Variants in PTPN9 observed in about 807,000 individuals in gnomAD.
PTPN9 encodes tyrosine-protein phosphatase non-receptor type 9.
Under a neutral mutation model 69.8 loss-of-function variants are expected in PTPN9, and 26 were observed. The ratio of observed to expected loss-of-function variants is 0.37; its 90% CI spans 0.27 to 0.52. The LOEUF is 0.52. PTPN9 is among the 20% of genes least tolerant of loss of function. The pLI, the probability that PTPN9 is intolerant of heterozygous loss-of-function variation, is 0.91. For missense variants in PTPN9, 549 were observed against 740.3 expected (o/e 0.74, Z 3.00); for synonymous variants, 274 against 272.5 (o/e 1.01, Z -0.05).
intron 1 of PTPN9, among the ~76,000 whole-genome samples, chr15:75,553,968 T>A (rs996555530): frequency 6.6e-6 from 1 of 151,654 alleles, no homozygotes; most frequent in Non-Finnish European, 1.5e-5. Flanking sequence ...GTCAGTCATC[T>A]CAGCCATTTC....
intron 4 of PTPN9, among the ~76,000 whole-genome samples, chr15:75,520,462 A>ATAGATAGG (rs2074897130): frequency 7.2e-6 from 1 of 138,608 alleles, no homozygotes; most frequent in African/African-American, 2.8e-5. Flanking sequence ...AGATAGATAG[A>ATAGATAGG]TAGATAGATA....
chr15:75,551,975 G>A (rs1318893395), intron 1 of PTPN9, among the ~76,000 whole-genome samples: 2 of 151,268 alleles, frequency 1.3e-5, no homozygotes, highest in Non-Finnish European at 2.9e-5. Flanking sequence ...CTGGGAGGTG[G>A]AGGTTACAGT....
rs766924577 is a variant in PTPN9 at position 75,578,768 on chromosome 15, G to A, written c.9C>T (p.Pro3=). Residue 3 remains proline (P), a synonymous_variant, in exon 1 of 13, where the codon CCC becomes CCT. Coordinates refer to ENST00000618819, the MANE Select transcript of PTPN9 (RefSeq NM_002833.4). ME[P]ATAPRPDMAP... ...CCATGTCGGGCCGGGGCGCGGTCGC[G>A]GGCTCCATCCCCCCGCCACCGCCGC... 47 of 1,271,684 alleles carry A rather than the reference G, an allele frequency of 3.7e-5. No individual in the cohort carries two copies. In the African/African-American group the frequency reaches 5.3e-4, roughly 14 times the overall value. 78.8% of individuals were successfully genotyped at this position (1,271,684 alleles called of 1,614,324 possible).
rs147821578 is a variant in PTPN9 at position 75,524,233 on chromosome 15, G to T, written c.273C>A (p.Ile91=). 56 of 1,610,720 alleles carry T rather than the reference G, an allele frequency of 3.5e-5. No homozygotes were observed. Among genetic ancestry groups the T allele is most frequent in the Non-Finnish European group, 4.4e-5 (52 of 1,177,544 alleles). The change falls in exon 3 of 13, where the codon ATC becomes ATA. Residue 91 remains isoleucine, a synonymous_variant. Transcript: ENST00000618819. ...KPHEEPLRSE[I]LSGKFTILNV... The stretch of plus-strand genomic sequence containing the variant: ...CTAAGATGGTGAATTTTCCACTGAG[G>T]ATCTCAGAACGAAGAGGTTCCTCAT...
Position 75,500,544 on chromosome 15 carries a change from C to A in PTPN9, c.968+5131G>T, listed in dbSNP as rs541556695. On this transcript the variant is annotated intron_variant, in intron 7 of 12. Transcript: ENST00000618819. The stretch of plus-strand genomic sequence containing the variant: ...TGGAGTGAGACTGTCTCAACAACAA[C>A]AAAAAAGACTTTAAGGGAATAACTG... Among the ~76,000 whole-genome samples the A allele has an allele frequency of 3.9e-5, 6 of 151,914 alleles. No homozygotes were observed. The South Asian group carries it at 1.2e-3, about 32-fold the overall frequency.
intron 8 of PTPN9, among the ~76,000 whole-genome samples, chr15:75,482,564 CAAAAAAAAAAA>C (rs145653223): frequency 5.6e-4 from 20 of 35,402 alleles, no homozygotes; most frequent in Admixed American, 2.7e-3. Context: ...GACTCCGTCT[CAAAAAAAAAAA>C]AAAAAAAAAA....
intron 2 of PTPN9, among the ~76,000 whole-genome samples, chr15:75,524,554 G>T (rs763932256): frequency 1.3e-5 from 2 of 152,164 alleles, no homozygotes; most frequent in Non-Finnish European, 2.9e-5. Flanking sequence ...AAGGCGGGCA[G>T]GTCACCTGAG....
chr15:75,504,000 G>C (rs1335262874), intron 7 of PTPN9, among the ~76,000 whole-genome samples: 8 of 104,514 alleles, frequency 7.7e-5, no homozygotes, highest in South Asian at 3.4e-4. Context: ...CCCCTCTGCC[G>C]GGCCAGCCGC....
intron 7 of PTPN9, among the ~76,000 whole-genome samples, chr15:75,497,802 CA>C (rs879944894): frequency 0.025 from 1,807 of 72,176 alleles, 24 homozygotes; most frequent in African/African-American, 0.068. Flanking sequence ...AACTCTGTCT[CA>C]AAAAAAAAAA....
At chr15:75,487,449 A>C (rs1024100144) in intron 8 of PTPN9, 1 of 152,230 alleles carries the variant, frequency 6.6e-6, no homozygotes, top group African/African-American at 2.4e-5. Context: ...TCAGACAATG[A>C]TCTTCATATT....
chr15:75,512,819 G>T, intron 5 of PTPN9: 1 of 282,032 alleles, frequency 3.5e-6, no homozygotes, highest in Non-Finnish European at 7.0e-6. Flanking sequence ...CTGAGACAAA[G>T]GACATTATTA....
At chr15:75,541,492 C>T (rs1255883996) in intron 1 of PTPN9, among the ~76,000 whole-genome samples, 4 of 150,720 alleles carry the variant, frequency 2.7e-5, no homozygotes, top group Admixed American at 1.3e-4. Flanking sequence ...CTGCAAGCTC[C>T]GCCTCCCAGG....
At chr15:75,530,480 A>C (rs2074951316) in intron 1 of PTPN9, among the ~76,000 whole-genome samples, 1 of 95,672 alleles carries the variant, frequency 1.0e-5, no homozygotes, top group East Asian at 2.8e-4. Context: ...AATAATAAAA[A>C]TATATATTAT....
At chr15:75,498,151 C>T (rs1595953051) in intron 7 of PTPN9, among the ~76,000 whole-genome samples, 1 of 151,886 alleles carries the variant, frequency 6.6e-6, no homozygotes. Flanking sequence ...GCTGAGATCA[C>T]GCCACTGAAC....
intron 8 of PTPN9, chr15:75,480,703 C>A: frequency 1.5e-6 from 2 of 1,315,236 alleles, no homozygotes; most frequent in Non-Finnish European, 2.0e-6. Flanking sequence ...GCCACCGCCG[C>A]CCCACAGCCG....
At chr15:75,520,671 C>T (rs532005026) in intron 4 of PTPN9, among the ~76,000 whole-genome samples, 14 of 152,110 alleles carry the variant, frequency 9.2e-5, no homozygotes, top group Admixed American at 5.2e-4. Context: ...CCCACCACCA[C>T]GCCTGGCTAA....
rs963719922 is a variant in PTPN9 at position 75,468,914 on chromosome 15, G to A, written c.1637C>T (p.Thr546Met). 1.9e-6 allele frequency: 3 copies of A among 1,614,072 alleles called. No individual in the cohort carries two copies. Among genetic ancestry groups the A allele is most frequent in the African/African-American group, 1.3e-5 (1 of 74,926 alleles). Residue 546 changes from threonine to methionine, a missense_variant, in exon 13 of 13, where the codon ACG becomes ATG. Thr to Met is a moderately conservative substitution (Grantham distance 81). Transcript: ENST00000618819. ...CCTCTGGGTCCTCATGCGTGACACC[G>A]TCTGGAACACATTAAGGGTGCCAAG... The part of the protein sequence containing the change: ...EELGTLNVFQ[T>M]VSRMRTQRAF...
chr15:75,542,497 G>A (rs897673690), intron 1 of PTPN9, among the ~76,000 whole-genome samples: 19 of 152,176 alleles, frequency 1.2e-4, no homozygotes, highest in Admixed American at 1.2e-3. Context: ...CACTGGGAAC[G>A]GATCAACAGG....
At chr15:75,512,448 C>G (rs1190822842) in intron 5 of PTPN9, among the ~76,000 whole-genome samples, 1 of 152,132 alleles carries the variant, frequency 6.6e-6, no homozygotes, top group African/African-American at 2.4e-5. Context: ...CCACCTCAGC[C>G]TCCCAAAGGG....
Sources: gnomAD v4.1 joint callset for allele counts (sites outside exome capture counted in the v4.1 genomes callset) on GRCh38, gnomAD v4.1.1 for gene constraint, MANE v1.5 for transcripts, NCBI Gene and HGNC (gene_info 2026-07-23, HGNC 2026-07-21) for gene names.